ARFGEF3: variants seen among roughly 807,000 people sequenced by gnomAD.
ARFGEF3 encodes the protein ARFGEF family member 3, also known as brefeldin A-inhibited guanine nucleotide-exchange protein 3.
ARFGEF3 carries 96 observed loss-of-function variants against 221.7 expected under a neutral mutation model. The ratio of observed to expected loss-of-function variants is 0.43; its 90% CI spans 0.37 to 0.51. The LOEUF is 0.51. Among genes scored for constraint, ARFGEF3 ranks in the 20% least tolerant of loss-of-function variants. The pLI, the probability that ARFGEF3 is intolerant of heterozygous loss-of-function variation, is 0.00. For missense variants in ARFGEF3, 2,410 were observed against 2,789.9 expected (o/e 0.86, Z 3.07); for synonymous variants, 1,145 against 1,126.8 (o/e 1.02, Z -0.32).
intron 31 of ARFGEF3, among the ~76,000 whole-genome samples, chr6:138,325,718 T>G (rs17067431): frequency 0.08 from 12,197 of 152,222 alleles, 1,476 homozygotes; most frequent in African/African-American, 0.27. Flanking sequence ...TCTGCAACCC[T>G]GTCCAATCAT....
At chr6:138,178,531 C>T (rs1001971844) in intron 2 of ARFGEF3, among the ~76,000 whole-genome samples, 2 of 152,120 alleles carry the variant, frequency 1.3e-5, no homozygotes, top group Non-Finnish European at 2.9e-5. Context: ...GTGTCCTCAC[C>T]GTTCTTCTTA....
At chr6:138,218,225 T>G in intron 4 of ARFGEF3, 1 of 1,613,896 alleles carries the variant, frequency 6.2e-7, no homozygotes, top group Non-Finnish European at 8.5e-7. Context: ...TTTTTACTTT[T>G]TCTTTTTTTC....
intron 25 of ARFGEF3, among the ~76,000 whole-genome samples, chr6:138,312,313 C>T (rs1445200823): frequency 2.0e-5 from 3 of 152,112 alleles, no homozygotes; most frequent in African/African-American, 7.2e-5. Flanking sequence ...AATATTTTCT[C>T]ACCTGTCTTC....
chr6:138,344,281 T>C lies in ARFGEF3; in HGVS notation c.*7795T>C, dbSNP rs1205340294. 6.6e-6 allele frequency: 1 copy of C among 152,170 alleles called. No individual in the cohort carries two copies. The highest frequency in any genetic ancestry group is 1.5e-5 in the Non-Finnish European group (1 of 68,004). 9.4% of individuals were successfully genotyped at this position (152,170 alleles called of 1,614,324 possible). On this transcript the variant is annotated 3_prime_UTR_variant, in exon 34 of 34. Transcript: ENST00000251691. ...ACCTATAAAATGCAAAATTCATCCTTGCAACCCCATTCACCAGGAGCCTTG... is the reference window on the plus strand; with the variant it reads ...ACCTATAAAATGCAAAATTCATCCTCGCAACCCCATTCACCAGGAGCCTTG...
chr6:138,208,197 C>T lies in ARFGEF3; in HGVS notation c.219+1074C>T, dbSNP rs532825967. Among the ~76,000 whole-genome samples the T allele has an allele frequency of 7.2e-5, 11 of 152,194 alleles. 1 individual carries two copies. The East Asian group carries it at 1.2e-3, about 16-fold the overall frequency. On this transcript the variant is annotated intron_variant, in intron 3 of 33. Coordinates refer to ENST00000251691, the MANE Select transcript of ARFGEF3 (RefSeq NM_020340.5). Reference sequence around the variant, plus strand: ...AATTGCAGTGCCATATTTTCAAGGGCTTACTGAATCGTGTTAACTGAAGCA... The same window carrying T: ...AATTGCAGTGCCATATTTTCAAGGGTTTACTGAATCGTGTTAACTGAAGCA...
At chr6:138,259,825 A>G (rs568787212) in intron 10 of ARFGEF3, among the ~76,000 whole-genome samples, 1 of 152,220 alleles carries the variant, frequency 6.6e-6, no homozygotes, top group Admixed American at 6.5e-5. Context: ...GAGACAGGAG[A>G]ATCGCTTGAA....
intron 4 of ARFGEF3, among the ~76,000 whole-genome samples, chr6:138,222,922 A>G (rs1031817376): frequency 2.0e-5 from 3 of 152,104 alleles, no homozygotes; most frequent in Non-Finnish European, 4.4e-5. Flanking sequence ...TGTGACATCC[A>G]TAATTTAAAT....
At chr6:138,197,225 A>C (rs188673399) in intron 2 of ARFGEF3, among the ~76,000 whole-genome samples, 1 of 152,190 alleles carries the variant, frequency 6.6e-6, no homozygotes, top group Admixed American at 6.5e-5. Context: ...AGGATCATCA[A>C]TGTCACTGTC....
chr6:138,171,132 C>A lies in ARFGEF3; in HGVS notation c.137+419C>A, dbSNP rs536885187. Among the ~76,000 whole-genome samples, 4 of 149,764 alleles carry A rather than the reference C, an allele frequency of 2.7e-5. No individual in the cohort carries two copies. The East Asian group carries it at 7.7e-4, about 29-fold the overall frequency. On this transcript the variant is annotated intron_variant, in intron 2 of 33. Coordinates refer to ENST00000251691, the MANE Select transcript of ARFGEF3 (RefSeq NM_020340.5). ...GTTGCATTGGGGATTACGTTTCCAA[C>A]ACTTACTTTTGGTGGGGACACGTTC...
At chr6:138,171,149 G>C (rs1776821462) in intron 2 of ARFGEF3, among the ~76,000 whole-genome samples, 1 of 151,684 alleles carries the variant, frequency 6.6e-6, no homozygotes, top group African/African-American at 2.4e-5. Flanking sequence ...TTTTGGTGGG[G>C]ACACGTTCAT....
intron 1 of ARFGEF3, among the ~76,000 whole-genome samples, chr6:138,167,254 C>A (rs1330156072): frequency 3.3e-5 from 5 of 152,176 alleles, no homozygotes; most frequent in Non-Finnish European, 7.3e-5. Context: ...AGCTTTGAGC[C>A]CTCATCTCTT....
chr6:138,286,012 CT>C lies in ARFGEF3; in HGVS notation c.2531del (p.Phe844SerfsTer29). On this transcript the variant is annotated frameshift_variant, in exon 15 of 34. Coordinates refer to ENST00000251691, the MANE Select transcript of ARFGEF3 (RefSeq NM_020340.5). LOFTEE classifies it high-confidence loss of function. ...ATGGCCTCGGCTGCTACAGAGTCTC[CT>C]TTCGCCCAGAGCAGGAGAATTGATG... is the stretch of plus-strand genomic sequence containing the variant. Reference protein sequence around the residue: ...QLMASAATESPFAQSRRIDDS... With the variant: ...QLMASAATESXFAQSRRIDDS... The C allele has an allele frequency of 6.2e-7, 1 of 1,609,868 alleles. No homozygotes were observed.
rs553432992 is a variant in ARFGEF3 at position 138,291,160 on chromosome 6, G to A, written c.3048-573G>A. Among the ~76,000 whole-genome samples, 31 of 152,248 alleles carry A rather than the reference G, an allele frequency of 2.0e-4. No homozygotes were observed. Among genetic ancestry groups the A allele is most frequent in the Admixed American group, 7.2e-4 (11 of 15,298 alleles). ...GTAGCACATGTGGTGACCCTTCTCT[G>A]TGTCTGCCATAATTCGGTGACTGCC... On this transcript the variant is annotated intron_variant, in intron 18 of 33. Transcript: ENST00000251691. The surrounding 1 kb of genome is among the most constrained non-coding windows in gnomAD (Gnocchi z 4.5).
chr6:138,246,086 C>T (rs1778481271), intron 8 of ARFGEF3, among the ~76,000 whole-genome samples: 1 of 152,114 alleles, frequency 6.6e-6, no homozygotes, highest in South Asian at 2.1e-4. Flanking sequence ...TACTCTTTTA[C>T]TTTTTTTTGT....
intron 18 of ARFGEF3, among the ~76,000 whole-genome samples, chr6:138,290,218 C>T (rs1389278458): frequency 1.3e-5 from 2 of 152,126 alleles, no homozygotes; most frequent in Non-Finnish European, 2.9e-5. Flanking sequence ...TTTCTATTGA[C>T]ATTTTTATGA....
intron 8 of ARFGEF3, among the ~76,000 whole-genome samples, chr6:138,253,237 A>G (rs932799047): frequency 2.6e-5 from 4 of 152,158 alleles, no homozygotes; most frequent in Non-Finnish European, 2.9e-5. Flanking sequence ...ATTTAACAAT[A>G]GGTTCAATAT....
intron 9 of ARFGEF3, 39 bp downstream of exon 9, chr6:138,254,023 C>T (rs752501562): frequency 2.2e-6 from 3 of 1,377,758 alleles, no homozygotes; most frequent in Non-Finnish European, 2.0e-6. Flanking sequence ...CTGATGCCAA[C>T]CCAAGGGCTG....
intron 1 of ARFGEF3, among the ~76,000 whole-genome samples, chr6:138,167,092 C>T (rs764459688): frequency 3.3e-5 from 5 of 152,208 alleles, no homozygotes; most frequent in Non-Finnish European, 5.9e-5. Flanking sequence ...CAGAGGTCCT[C>T]CTGGTGACAC....
rs925788587 is a variant in ARFGEF3 at position 138,343,647 on chromosome 6, A to G, written c.*7161A>G. 4.6e-5 allele frequency: 7 copies of G among 152,158 alleles called. No homozygotes were observed. Among genetic ancestry groups the G allele is most frequent in the African/African-American group, 1.4e-4 (6 of 41,438 alleles). The allele number at this position is 152,158 out of a possible 1,614,324, so 9.4% of individuals were successfully genotyped here. A position where few individuals can be genotyped will look rare whatever the true frequency, so the allele number is the denominator to read the frequency against. On this transcript the variant is annotated 3_prime_UTR_variant, in exon 34 of 34. Coordinates refer to ENST00000251691, the MANE Select transcript of ARFGEF3 (RefSeq NM_020340.5). ...AATCCAAAAGCCAATCTTTTGAACC[A>G]ATGTGTAAAAGATTATGTTTTTTCT...
Sources: gnomAD v4.1 joint callset for allele counts (sites outside exome capture counted in the v4.1 genomes callset) on GRCh38, gnomAD v4.1.1 for gene constraint, Gnocchi (gnomAD v3.1) non-coding constraint, MANE v1.5 for transcripts, NCBI Gene and HGNC (gene_info 2026-07-23, HGNC 2026-07-21) for gene names.